GRIK2: variants seen among roughly 807,000 people sequenced by gnomAD.
GRIK2 encodes glutamate receptor ionotropic, kainate 2.
In GRIK2, 32 loss-of-function variants were observed where a neutral mutation model predicts 100.3. The ratio of observed to expected loss-of-function variants is 0.32; its 90% CI spans 0.24 to 0.43. GRIK2 has a LOEUF of 0.43. Ranked by LOEUF, GRIK2 falls within the 20% of genes least tolerant of loss-of-function variation. The probability of loss-of-function intolerance (pLI) is 1.00; values close to 1 mark genes in which losing one functional copy is unlikely to be tolerated. For synonymous variants in GRIK2, 417 were observed against 389.4 expected (o/e 1.07, Z -0.83); for missense variants, 843 against 1,114.9 (o/e 0.76, Z 3.47).
intron 2 of GRIK2, among the ~76,000 whole-genome samples, chr6:101,512,689 C>CT (rs896165875): frequency 2.6e-5 from 4 of 151,388 alleles, no homozygotes; most frequent in East Asian, 1.9e-4. Context: ...CAATCAACAA[C>CT]TTTTTTTTTC....
chr6:101,632,535 T>C (rs1304615731), intron 4 of GRIK2, among the ~76,000 whole-genome samples: 2 of 152,180 alleles, frequency 1.3e-5, no homozygotes, highest in Non-Finnish European at 2.9e-5. Context: ...GATTCAGCCA[T>C]AATTTTCAGA....
At chr6:101,833,023 TTTA>T (rs1782803469) in intron 10 of GRIK2, among the ~76,000 whole-genome samples, 1 of 152,176 alleles carries the variant, frequency 6.6e-6, no homozygotes. Flanking sequence ...ACAAATAGAC[TTTA>T]TTGGGATAGA....
intron 2 of GRIK2, among the ~76,000 whole-genome samples, chr6:101,554,348 T>C (rs1413895694): frequency 2.0e-5 from 3 of 152,150 alleles, no homozygotes; most frequent in Non-Finnish European, 4.4e-5. Flanking sequence ...TTTTTATTAT[T>C]GTTAGAGGTG....
chr6:101,508,882 GTGGTGGCTCACGCC>G (rs901870329), intron 2 of GRIK2, among the ~76,000 whole-genome samples: 3 of 151,972 alleles, frequency 2.0e-5, no homozygotes, highest in Non-Finnish European at 4.4e-5. Context: ...TAGGCTGGGC[GTGGTGGCTCACGCC>G]TGTAATCTCA....
At chr6:101,483,504 A>G (rs1400496916) in intron 2 of GRIK2, among the ~76,000 whole-genome samples, 3 of 152,156 alleles carry the variant, frequency 2.0e-5, no homozygotes, top group African/African-American at 7.2e-5. Context: ...TCCCCGTTAA[A>G]ACTTATCTAA....
chr6:101,894,783 T>A (rs574480351), intron 12 of GRIK2, among the ~76,000 whole-genome samples: 2 of 151,838 alleles, frequency 1.3e-5, no homozygotes, highest in East Asian at 3.9e-4. Context: ...ATGTTAGGTT[T>A]TTTTTCCTCT....
At chr6:101,622,205 T>G in intron 3 of GRIK2, 89 bp downstream of exon 3, 1 of 717,734 alleles carries the variant, frequency 1.4e-6, no homozygotes, top group Non-Finnish European at 2.3e-6. Context: ...AACATACAGT[T>G]AATAAGTTGT....
intron 2 of GRIK2, among the ~76,000 whole-genome samples, chr6:101,402,873 C>G (rs1481120163): frequency 1.3e-5 from 2 of 152,220 alleles, no homozygotes; most frequent in African/African-American, 2.4e-5. Context: ...CGGCCTTGCC[C>G]GCCCCAGGAT....
intron 14 of GRIK2, among the ~76,000 whole-genome samples, chr6:101,950,118 C>T (rs1038536139): frequency 3.3e-5 from 5 of 152,030 alleles, no homozygotes; most frequent in African/African-American, 1.2e-4. Context: ...GAAAATCAGC[C>T]TGTTTTGTAA....
intron 7 of GRIK2, among the ~76,000 whole-genome samples, chr6:101,707,588 G>GTATATATATATA (rs1491170927): frequency 7.5e-6 from 1 of 132,864 alleles, no homozygotes; most frequent in South Asian, 2.4e-4. Context: ...GTGTGTGTGT[G>GTATATATATATA]TGTGTGTATA....
intron 2 of GRIK2, among the ~76,000 whole-genome samples, chr6:101,466,726 G>T (rs1280119352): frequency 6.6e-6 from 1 of 152,108 alleles, no homozygotes; most frequent in African/African-American, 2.4e-5. Flanking sequence ...AGAGGCATCA[G>T]CAATTTCAGG....
intron 10 of GRIK2, among the ~76,000 whole-genome samples, chr6:101,858,995 G>T: frequency 6.6e-6 from 1 of 151,262 alleles, no homozygotes; most frequent in East Asian, 1.9e-4. Flanking sequence ...ACATATTATT[G>T]GTTATATATA....
At chr6:101,584,553 GGAACAAAATCTAGAA>G (rs1778260240) in intron 2 of GRIK2, among the ~76,000 whole-genome samples, 1 of 151,944 alleles carries the variant, frequency 6.6e-6, no homozygotes, top group Admixed American at 6.6e-5. Context: ...GACTATTTGA[GGAACAAAATCTAGAA>G]GAACAAAGTC....
intron 14 of GRIK2, among the ~76,000 whole-genome samples, chr6:101,940,709 AGTAGT>A: frequency 6.6e-6 from 1 of 152,290 alleles, no homozygotes; most frequent in Non-Finnish European, 1.5e-5. Flanking sequence ...TATCAAAAGT[AGTAGT>A]GTACTCTAAA....
chr6:101,929,344 A>G (rs1038683134), intron 14 of GRIK2, among the ~76,000 whole-genome samples: 2 of 152,172 alleles, frequency 1.3e-5, no homozygotes, highest in African/African-American at 4.8e-5. Context: ...TTACCACTTT[A>G]TAATTCCTTT....
chr6:101,854,946 G>A (rs1394826808), intron 10 of GRIK2, among the ~76,000 whole-genome samples: 2 of 152,058 alleles, frequency 1.3e-5, no homozygotes, highest in Non-Finnish European at 2.9e-5. Context: ...TAACAGAGAA[G>A]ATTCTCTTTA....
At chr6:101,950,524 C>T (rs1027521442) in intron 14 of GRIK2, among the ~76,000 whole-genome samples, 14 of 152,094 alleles carry the variant, frequency 9.2e-5, no homozygotes, top group African/African-American at 3.4e-4. Context: ...GACCTTAAAT[C>T]TGATACTCTG....
chr6:101,455,488 C>T (rs1427244560), intron 2 of GRIK2, among the ~76,000 whole-genome samples: 2 of 151,920 alleles, frequency 1.3e-5, no homozygotes, highest in African/African-American at 4.8e-5. Flanking sequence ...TATCACCCTG[C>T]TTCTAGAATG....
At chr6:101,851,957 C>CAAAAAAAAAA (rs35210713) in intron 10 of GRIK2, among the ~76,000 whole-genome samples, 1 of 130,194 alleles carries the variant, frequency 7.7e-6, no homozygotes, top group Non-Finnish European at 1.6e-5. Context: ...TGACTATGGG[C>CAAAAAAAAAA]AAAAAAAAAA....
Sources: allele counts gnomAD v4.1 joint callset (sites outside exome capture counted in the v4.1 genomes callset), GRCh38; gene constraint gnomAD v4.1.1; transcripts MANE v1.5; gene names NCBI Gene and HGNC (gene_info 2026-07-23, HGNC 2026-07-21).